Variants in WASHC4 observed in about 807,000 individuals in gnomAD.
The protein encoded by WASHC4 is WASH complex subunit 4.
Under a neutral mutation model 166.6 loss-of-function variants are expected in WASHC4, and 86 were observed. That is an observed-to-expected ratio of 0.52 (90% CI 0.43 to 0.62). The LOEUF is 0.62. Ranked by LOEUF, WASHC4 falls within the 20% of genes least tolerant of loss-of-function variation. The pLI, the probability that WASHC4 is intolerant of heterozygous loss-of-function variation, is 0.00. For missense variants in WASHC4, 1,262 were observed against 1,382.4 expected, an observed-to-expected ratio of 0.91 and a Z score of 1.38; for synonymous variants, 446 against 451.6, an observed-to-expected ratio of 0.99 and a Z score of 0.16.
chr12:105,145,653 A>G (rs1190392268), intron 22 of WASHC4, among the ~76,000 whole-genome samples: 1 of 152,092 alleles, frequency 6.6e-6, no homozygotes, highest in Non-Finnish European at 1.5e-5. Flanking sequence ...GTCCCAGCTC[A>G]TGTAATATCC....
chr12:105,165,335 C>T (rs1044149963), intron 32 of WASHC4, among the ~76,000 whole-genome samples: 8 of 152,146 alleles, frequency 5.3e-5, no homozygotes, highest in African/African-American at 1.2e-4. Context: ...CTTTTTAAGG[C>T]GTAAGAGCAT....
At chr12:105,144,565 T>C (rs1883141321) in intron 21 of WASHC4, 110 bp downstream of exon 21, 1 of 1,195,990 alleles carries the variant, frequency 8.4e-7, no homozygotes. Flanking sequence ...TGTTATTCTT[T>C]AATTACATTT....
At chr12:105,139,186 G>T (rs1882579407) in intron 15 of WASHC4, among the ~76,000 whole-genome samples, 1 of 151,530 alleles carries the variant, frequency 6.6e-6, no homozygotes, top group Non-Finnish European at 1.5e-5. Flanking sequence ...ATCCATGTTG[G>T]GATGAGTAGC....
At chr12:105,140,860 T>C (rs1366361790) in intron 16 of WASHC4, 39 bp from the exon 17 acceptor site, 1 of 1,595,468 alleles carries the variant, frequency 6.3e-7, no homozygotes, top group South Asian at 1.1e-5. Context: ...CTTTTGTTAC[T>C]GCCTCAGAAA....
chr12:105,149,433 G>T (rs1166568544), intron 24 of WASHC4, 182 bp from the exon 25 acceptor site: 3 of 1,057,348 alleles, frequency 2.8e-6, no homozygotes, highest in Non-Finnish European at 3.5e-6. Context: ...AGAAAGTTTT[G>T]TGAACTTCAG....
chr12:105,154,650 C>CT (rs1884009095), intron 26 of WASHC4, among the ~76,000 whole-genome samples: 1 of 152,188 alleles, frequency 6.6e-6, no homozygotes, highest in Admixed American at 6.5e-5. Flanking sequence ...TAAACAAAGT[C>CT]TCTGTCCTTA....
intron 13 of WASHC4, 101 bp downstream of exon 13, chr12:105,127,390 A>G (rs1881387323): frequency 1.1e-6 from 1 of 920,070 alleles, no homozygotes; most frequent in African/African-American, 1.7e-5. Context: ...TTATAAGATT[A>G]AATGTACTTG....
chr12:105,114,641 G>A (rs1055609393), intron 4 of WASHC4, among the ~76,000 whole-genome samples: 1 of 151,970 alleles, frequency 6.6e-6, no homozygotes, highest in African/African-American at 2.4e-5. Flanking sequence ...CAGGAGGTAG[G>A]TGAGACATTG....
At chr12:105,126,482 A>G in intron 12 of WASHC4, 120 bp downstream of exon 12, 5 of 785,178 alleles carry the variant, frequency 6.4e-6, no homozygotes, top group Non-Finnish European at 1.0e-5. Flanking sequence ...ATTCACTTGT[A>G]AAATTCAAGT....
At chr12:105,132,662 G>T (rs995894876) in intron 13 of WASHC4, among the ~76,000 whole-genome samples, 2 of 152,126 alleles carry the variant, frequency 1.3e-5, no homozygotes, top group Non-Finnish European at 2.9e-5. Flanking sequence ...TCCTGGATGT[G>T]AGCTTGAATC....
Position 105,144,385 on chromosome 12 carries a change from C to A in WASHC4, c.2109C>A (p.Gly703=). The stretch of plus-strand genomic sequence containing the variant: ...ATGACCGAAACCCTTTCAAAGTTGG[C>A]ATGAAAGACCTGGCTCTTTTTTTCT... ...KLDDRNPFKV[G]MKDLALFFSL... is the part of the protein sequence containing the mutation. The change falls in exon 21 of 33, where the codon GGC becomes GGA. Residue 703 remains glycine (G), a synonymous_variant. Coordinates refer to ENST00000332180, the MANE Select transcript of WASHC4 (RefSeq NM_015275.3). The A allele has an allele frequency of 6.2e-7, 1 of 1,613,250 alleles. No homozygotes were observed. The highest frequency in any genetic ancestry group is 8.5e-7 in the Non-Finnish European group (1 of 1,179,360).
rs1022653381 is a variant in WASHC4, at chr12:105,125,649, A to G, written c.787-355A>G. On this transcript the variant is annotated intron_variant, in intron 10 of 32. Coordinates refer to ENST00000332180, the MANE Select transcript of WASHC4 (RefSeq NM_015275.3). ...TGCTATAATAAAGTGCTAGGAAAGT[A>G]ATTGTAAGCAGAAAACATAAATTCT... Among the ~76,000 whole-genome samples, 14 of 152,286 alleles carry G rather than the reference A, an allele frequency of 9.2e-5. No individual in the cohort carries two copies. The South Asian group carries it at 2.9e-3, about 32-fold the overall frequency.
chr12:105,165,703 A>T (rs183970834), intron 32 of WASHC4, among the ~76,000 whole-genome samples: 1 of 152,300 alleles, frequency 6.6e-6, no homozygotes, highest in African/African-American at 2.4e-5. Context: ...TAGACCACTT[A>T]CGTGAACTAC....
intron 12 of WASHC4, among the ~76,000 whole-genome samples, 183 bp from the exon 13 acceptor site, chr12:105,126,946 A>G (rs554267570): frequency 6.6e-6 from 1 of 152,078 alleles, no homozygotes. Context: ...TCAACACCAG[A>G]TGTAGAAATG....
Position 105,111,224 on chromosome 12 carries a change from G to A in WASHC4, c.161G>A (p.Gly54Glu). Residue 54 changes from glycine (G) to glutamate (E), a missense_variant, in exon 2 of 33, where the codon GGA becomes GAA. By Grantham distance (98) the Gly-to-Glu change is moderately conservative. Transcript: ENST00000332180. The stretch of plus-strand genomic sequence containing the variant: ...GAGGACGCTCTGGATGACTCAATTG[G>A]AGATGTTTGGGATTTCAATCTTGAT... ...RIEDALDDSIGDVWDFNLDPI... is the reference protein window; with the variant it reads ...RIEDALDDSIEDVWDFNLDPI... The A allele has an allele frequency of 1.2e-6, 2 of 1,610,298 alleles. No homozygotes were observed. The highest frequency in any genetic ancestry group is 1.7e-6 in the Non-Finnish European group (2 of 1,177,154).
intron 10 of WASHC4, among the ~76,000 whole-genome samples, chr12:105,122,808 ATGT>A (rs1307916746): frequency 6.6e-6 from 1 of 152,122 alleles, no homozygotes; most frequent in Non-Finnish European, 1.5e-5. Flanking sequence ...TAATCGATAA[ATGT>A]TGTGTGTGTT....
At chr12:105,119,869 G>C (rs1237513976) in intron 7 of WASHC4, among the ~76,000 whole-genome samples, 1 of 152,192 alleles carries the variant, frequency 6.6e-6, no homozygotes, top group Non-Finnish European at 1.5e-5. Flanking sequence ...TATAATTCTA[G>C]TAGTATGCAC....
chr12:105,111,082 A>G, intron 1 of WASHC4, 43 bp from the exon 2 acceptor site: 1 of 1,463,666 alleles, frequency 6.8e-7, no homozygotes, highest in Non-Finnish European at 9.5e-7. Flanking sequence ...CCTGCAATTC[A>G]TTACTTGCAC....
intron 24 of WASHC4, chr12:105,147,929 C>T (rs573184682): frequency 7.3e-5 from 71 of 977,582 alleles, no homozygotes; most frequent in East Asian, 2.3e-4. Context: ...CAAACAAAAA[C>T]GAAATGGGCA....
Sources: allele counts gnomAD v4.1 joint callset (sites outside exome capture counted in the v4.1 genomes callset), GRCh38; gene constraint gnomAD v4.1.1; transcripts MANE v1.5; gene names NCBI Gene and HGNC (gene_info 2026-07-23, HGNC 2026-07-21).